FRMPD4: variants seen among roughly 807,000 people sequenced by gnomAD.
FRMPD4 encodes the protein FERM and PDZ domain containing 4, also known as FERM and PDZ domain-containing protein 4.
FRMPD4 carries 22 observed loss-of-function variants against 94.1 expected under a neutral mutation model. That is an observed-to-expected ratio of 0.23 (90% confidence interval 0.17 to 0.33). The LOEUF (loss-of-function observed/expected upper bound fraction) is 0.33. Ranked by LOEUF, FRMPD4 falls within the 10% of genes least tolerant of loss-of-function variation. FRMPD4 has a pLI of 1.00. For synonymous variants in FRMPD4, 631 were observed against 548.6 expected, an observed-to-expected ratio of 1.15 and a Z score of -2.10; for missense variants, 1,111 against 1,339.9, an observed-to-expected ratio of 0.83 and a Z score of 2.67.
At chrX:11,883,765 T>C (rs1165365316) in intron 3 of FRMPD4, among the ~76,000 whole-genome samples, 3 of 112,160 alleles carry the variant, frequency 2.7e-5, no homozygotes, top group African/African-American at 3.2e-5. Context: ...AAAGGGCATA[T>C]GGTTTGAAAC....
At chrX:12,241,954 G>A (rs905309866) in intron 1 of FRMPD4, among the ~76,000 whole-genome samples, 1 of 40,276 alleles carries the variant, frequency 2.5e-5, no homozygotes, top group Non-Finnish European at 6.6e-5. Context: ...GGGAAGGGGA[G>A]GAGGAGGAGG....
intron 4 of FRMPD4, among the ~76,000 whole-genome samples, chrX:12,671,434 A>AG (rs1318434591): frequency 3.6e-5 from 4 of 111,413 alleles, no homozygotes; most frequent in Non-Finnish European, 5.6e-5. Flanking sequence ...TGTCCTTTGC[A>AG]GGGACATGGA....
intron 3 of FRMPD4, among the ~76,000 whole-genome samples, chrX:12,611,760 A>C (rs1602207249): frequency 1.8e-5 from 2 of 112,431 alleles, no homozygotes; most frequent in African/African-American, 6.4e-5. Flanking sequence ...CTATCTGCTA[A>C]ACTTTTTTAT....
At chrX:12,100,108 C>T (rs2055241761) in intron 3 of FRMPD4, among the ~76,000 whole-genome samples, 1 of 112,251 alleles carries the variant, frequency 8.9e-6, no homozygotes, top group South Asian at 3.7e-4. Flanking sequence ...AAAATATTTA[C>T]TGTCTGGCCC....
Position 12,260,632 on chromosome X carries a change from A to G in FRMPD4, c.41+121620A>G, listed in dbSNP as rs769966058. Among the ~76,000 whole-genome samples, 6 of 112,084 alleles carry G rather than the reference A, an allele frequency of 5.4e-5. No individual in the cohort carries two copies. In the South Asian group the frequency reaches 1.9e-3, roughly 35 times the overall value. On this transcript the variant is annotated intron_variant, in intron 1 of 16. Transcript: ENST00000675598. ...TCTATCTGAAATGCTAGCTGTGTGC[A>G]GTTCCCCGTTCACTTATCAGTGACT... is the stretch of plus-strand genomic sequence containing the variant.
At chrX:11,851,937 T>C (rs1463352505) in intron 1 of FRMPD4, among the ~76,000 whole-genome samples, 34 of 84,421 alleles carry the variant, frequency 4.0e-4, no homozygotes, top group African/African-American at 1.7e-3. Context: ...GTAACTTAGG[T>C]GTAAATATTA....
intron 1 of FRMPD4, among the ~76,000 whole-genome samples, chrX:12,345,131 A>AGGATGGAT (rs372484963): frequency 0.087 from 8,516 of 97,501 alleles, 484 homozygotes; most frequent in African/African-American, 0.15. Flanking sequence ...GACAAATGAA[A>AGGATGGAT]GGATGGATGG....
chrX:12,283,595 GAC>G (rs1313669879), intron 1 of FRMPD4, among the ~76,000 whole-genome samples: 1 of 109,372 alleles, frequency 9.1e-6, no homozygotes, highest in Non-Finnish European at 1.9e-5. Context: ...TAAAATATAA[GAC>G]ACATTGGATT....
intron 14 of FRMPD4, among the ~76,000 whole-genome samples, chrX:12,710,919 TAATTAA>T (rs1431427599): frequency 1.8e-5 from 2 of 111,025 alleles, no homozygotes; most frequent in African/African-American, 6.6e-5. Context: ...ATAAATTAAT[TAATTAA>T]AATTAAAATT....
intron 3 of FRMPD4, among the ~76,000 whole-genome samples, chrX:11,918,809 G>A (rs1234904120): frequency 1.8e-5 from 2 of 111,935 alleles, no homozygotes; most frequent in Non-Finnish European, 3.8e-5. Flanking sequence ...GTAGGGGTGG[G>A]AGCAGTGAAT....
At chrX:12,056,992 A>C (rs1328781737) in intron 3 of FRMPD4, among the ~76,000 whole-genome samples, 1 of 112,097 alleles carries the variant, frequency 8.9e-6, no homozygotes, top group African/African-American at 3.2e-5. Flanking sequence ...CACTAAGTCC[A>C]ATTTCTGGTG....
At chrX:11,963,789 C>G (rs1021884158) in intron 3 of FRMPD4, among the ~76,000 whole-genome samples, 5 of 111,536 alleles carry the variant, frequency 4.5e-5, no homozygotes, top group Non-Finnish European at 9.4e-5. Flanking sequence ...AAGAGCAATT[C>G]TGGGGAATCA....
chrX:11,951,004 A>G (rs190327217), intron 3 of FRMPD4, among the ~76,000 whole-genome samples: 17 of 98,813 alleles, frequency 1.7e-4, no homozygotes, highest in African/African-American at 6.3e-4. Context: ...GGTTGCAGTG[A>G]GCCTAGATTG....
intron 1 of FRMPD4, among the ~76,000 whole-genome samples, chrX:12,332,320 C>T (rs1232630582): frequency 2.0e-5 from 2 of 101,449 alleles, no homozygotes; most frequent in African/African-American, 7.2e-5. Context: ...AAGAAAAGGC[C>T]GGAAAAAACC....
intron 3 of FRMPD4, among the ~76,000 whole-genome samples, chrX:12,028,627 T>A (rs2054674448): frequency 9.0e-6 from 1 of 111,484 alleles, no homozygotes; most frequent in Non-Finnish European, 1.9e-5. Context: ...ATCCTCTGTG[T>A]TCTACGTATT....
chrX:12,066,568 A>G (rs765937191), intron 3 of FRMPD4, among the ~76,000 whole-genome samples: 24 of 111,581 alleles, frequency 2.2e-4, no homozygotes, highest in Admixed American at 4.8e-4. Flanking sequence ...TACTTTGGGC[A>G]TGTTCATGGG....
intron 4 of FRMPD4, among the ~76,000 whole-genome samples, chrX:12,657,202 A>C (rs1335245641): frequency 8.9e-6 from 1 of 112,129 alleles, no homozygotes; most frequent in African/African-American, 3.2e-5. Flanking sequence ...CTCTGGCTCA[A>C]GGTGTCCCAC....
At chrX:12,181,086 A>C (rs942406223) in intron 1 of FRMPD4, among the ~76,000 whole-genome samples, 1 of 111,678 alleles carries the variant, frequency 9.0e-6, no homozygotes, top group East Asian at 2.8e-4. Flanking sequence ...GTTTGCATTC[A>C]ATCTGGATGT....
chrX:12,048,517 G>C (rs1371721836), intron 3 of FRMPD4, among the ~76,000 whole-genome samples: 1 of 111,543 alleles, frequency 9.0e-6, no homozygotes, highest in Admixed American at 9.5e-5. Flanking sequence ...TTTTGTTTTT[G>C]TTACAATTGC....
Sources: gnomAD v4.1 joint callset for allele counts (sites outside exome capture counted in the v4.1 genomes callset) on GRCh38, gnomAD v4.1.1 for gene constraint, MANE v1.5 for transcripts, NCBI Gene and HGNC (gene_info 2026-07-23, HGNC 2026-07-21) for gene names.